ANKRD53: variants seen among roughly 807,000 people sequenced by gnomAD.
The protein encoded by ANKRD53 is ankyrin repeat domain 53, also known as ankyrin repeat domain-containing protein 53.
Under a neutral mutation model 30.1 loss-of-function variants are expected in ANKRD53, and 27 were observed. That is an observed-to-expected ratio of 0.90 (90% CI 0.66 to 1.24). The LOEUF (loss-of-function observed/expected upper bound fraction) is 1.24, where lower values mean the gene tolerates loss of function less well. Among genes scored for constraint, ANKRD53 ranks in the 50% most tolerant of loss-of-function variants. The probability of loss-of-function intolerance (pLI) is 0.00; values close to 1 mark genes in which losing one functional copy is unlikely to be tolerated. For missense variants in ANKRD53, 682 were observed against 721.0 expected (o/e 0.95, Z 0.62); for synonymous variants, 286 against 295.4 (o/e 0.97, Z 0.33).
Position 70,978,706 on chromosome 2 carries a change from G to A in ANKRD53, c.61G>A (p.Gly21Arg), listed in dbSNP as rs1553422818. Residue 21 changes from glycine (G) to arginine (R), a missense_variant, in exon 1 of 6, where the codon GGA (glycine) becomes AGA (arginine). Transcript: ENST00000360589. The surrounding 1 kb of genome is among the most constrained non-coding windows in gnomAD (Gnocchi z 4.3). ...AGSGSWHSERGEGRGARPQPT... is the reference protein window; with the variant it reads ...AGSGSWHSERREGRGARPQPT... ...CTCCGGAAGCTGGCACTCAGAAAGG[G>A]GAGAAGGGAGAGGTGCTCGGCCGCA... is the stretch of plus-strand genomic sequence containing the variant. 1.1e-5 allele frequency: 17 copies of A among 1,548,588 alleles called. No individual in the cohort carries two copies. Among genetic ancestry groups the A allele is most frequent in the Non-Finnish European group, 1.5e-5 (17 of 1,146,512 alleles).
Position 70,978,898 on chromosome 2 carries a change from G to A in ANKRD53, c.170+83G>A, listed in dbSNP as rs1669909245. ...CCCTGGTGGGCAGGGCCTGGAGCGG[G>A]CGGGGGCGGAGGCTGCGGCCCGAGA... On this transcript the variant is annotated intron_variant, in intron 1 of 5. Coordinates refer to ENST00000360589, the MANE Select transcript of ANKRD53 (RefSeq NM_001115116.2). The surrounding 1 kb of genome is among the most constrained non-coding windows in gnomAD (Gnocchi z 4.3). 1.8e-5 allele frequency: 27 copies of A among 1,475,752 alleles called. No individual in the cohort carries two copies. The highest frequency in any genetic ancestry group is 4.9e-4 in the Middle Eastern group (2 of 4,044). The allele number at this position is 1,475,752 out of a possible 1,614,324, so 91.4% of individuals were successfully genotyped here. A position where few individuals can be genotyped will look rare whatever the true frequency, so the allele number is the denominator to read the frequency against.
At chr2:70,984,467 A>C in intron 5 of ANKRD53, 144 bp from the exon 6 acceptor site, 1 of 1,524,012 alleles carries the variant, frequency 6.6e-7, no homozygotes, top group Non-Finnish European at 8.7e-7. Context: ...CTTCCATCAG[A>C]CTCAGACTTT....
chr2:70,980,318 CA>C (rs35991485), intron 3 of ANKRD53, among the ~76,000 whole-genome samples: 5,746 of 76,206 alleles, frequency 0.075, 143 homozygotes, highest in African/African-American at 0.13. Context: ...TCCGTCTCAA[CA>C]AAAAAAAAAA....
rs754047265 is a variant in ANKRD53 at position 70,982,525 on chromosome 2, G to A, written c.783-52G>A. The A allele has an allele frequency of 9.0e-5, 144 of 1,604,676 alleles. No individual in the cohort carries two copies. Among genetic ancestry groups the A allele is most frequent in the Non-Finnish European group, 1.1e-4 (133 of 1,173,930 alleles). ...GCAGCAGCCAGTCTTCCCAGCCCAG[G>A]TGGAAGCTCTGTCACTGTGGGATGA... On this transcript the variant is annotated intron_variant, in intron 4 of 5. Transcript: ENST00000360589. This position sits in a 1 kb window ranked among gnomAD's most constrained non-coding sequence, Gnocchi z 4.2.
chr2:70,978,895 C>T lies in ANKRD53; in HGVS notation c.170+80C>T, dbSNP rs1021804162. On this transcript the variant is annotated intron_variant, in intron 1 of 5. Coordinates refer to ENST00000360589, the MANE Select transcript of ANKRD53 (RefSeq NM_001115116.2). The surrounding 1 kb of genome is among the most constrained non-coding windows in gnomAD (Gnocchi z 4.3). ...CCTCCCTGGTGGGCAGGGCCTGGAG[C>T]GGGCGGGGGCGGAGGCTGCGGCCCG... 1.7e-5 allele frequency: 25 copies of T among 1,473,324 alleles called. No individual in the cohort carries two copies. Among genetic ancestry groups the T allele is most frequent in the Non-Finnish European group, 2.3e-5 (25 of 1,110,294 alleles). 91.3% of individuals were successfully genotyped at this position (1,473,324 alleles called of 1,614,324 possible).
Position 70,982,506 on chromosome 2 carries a change from G to A in ANKRD53, c.783-71G>A, listed in dbSNP as rs1553423801. 6 of 1,587,966 alleles carry A rather than the reference G, an allele frequency of 3.8e-6. No homozygotes were observed. In the African/African-American group the frequency reaches 5.4e-5, roughly 14 times the overall value. ...ATCCCCATCCAAGCCCTCAGCAGCAGCCAGTCTTCCCAGCCCAGGTGGAAG... is the reference window on the plus strand; with the variant it reads ...ATCCCCATCCAAGCCCTCAGCAGCAACCAGTCTTCCCAGCCCAGGTGGAAG... On this transcript the variant is annotated intron_variant, in intron 4 of 5. Transcript: ENST00000360589. This position sits in a 1 kb window ranked among gnomAD's most constrained non-coding sequence, Gnocchi z 4.2.
chr2:70,984,011 G>T, intron 5 of ANKRD53: 2 of 970,100 alleles, frequency 2.1e-6, no homozygotes, highest in Non-Finnish European at 3.2e-6. Flanking sequence ...GCTGCCACCG[G>T]GCCTGGAGAG....
chr2:70,978,503 C>T (rs1669891645), upstream of ANKRD53: 1 of 1,020,258 alleles, frequency 9.8e-7, no homozygotes, highest in Non-Finnish European at 1.3e-6. This position sits in a 1 kb window ranked among gnomAD's most constrained non-coding sequence, Gnocchi z 4.3. Context: ...CTCTGCCCCT[C>T]CAGCTAGAGA....
At chr2:70,979,386 C>T (rs782087531) in intron 2 of ANKRD53, 43 bp downstream of exon 2, 9 of 1,610,218 alleles carry the variant, frequency 5.6e-6, no homozygotes, top group Non-Finnish European at 7.6e-6. Context: ...GTCCCTCTCC[C>T]GCTACGCTGC....
At chr2:70,980,603 A>G (rs1669979614) in intron 3 of ANKRD53, among the ~76,000 whole-genome samples, 1 of 150,410 alleles carries the variant, frequency 6.6e-6, no homozygotes, top group Non-Finnish European at 1.5e-5. Context: ...GATTGCTCCA[A>G]TGCACTCCAG....
At position 70,981,911 on chromosome 2, in the gene ANKRD53, T is replaced by A. The variant is rs1670018856; in HGVS notation, c.618-25T>A. On this transcript the variant is annotated intron_variant, in intron 3 of 5. Coordinates refer to ENST00000360589, the MANE Select transcript of ANKRD53 (RefSeq NM_001115116.2). ...TCTTTGTCTTTCCTTTCTGCCCTTATCCCCACTGGTGGGGCCTTCCACAGT... is the reference window on the plus strand; with the variant it reads ...TCTTTGTCTTTCCTTTCTGCCCTTAACCCCACTGGTGGGGCCTTCCACAGT... 3.3e-6 allele frequency: 5 copies of A among 1,533,072 alleles called. No homozygotes were observed. In the South Asian group the frequency reaches 6.3e-5, roughly 19 times the overall value. The allele number at this position is 1,533,072 out of a possible 1,614,324, so 95.0% of individuals were successfully genotyped here.
At chr2:70,983,891 C>T (rs1670087121) in intron 5 of ANKRD53, among the ~76,000 whole-genome samples, 1 of 152,198 alleles carries the variant, frequency 6.6e-6, no homozygotes, top group African/African-American at 2.4e-5. Flanking sequence ...ATCTCCAAAG[C>T]CTCTGATTGC....
At chr2:70,984,516 C>T in intron 5 of ANKRD53, 95 bp from the exon 6 acceptor site, 2 of 1,544,790 alleles carry the variant, frequency 1.3e-6, no homozygotes, top group Non-Finnish European at 1.7e-6. Context: ...ATCCTTCAGA[C>T]TGTGGTTTCC....
Position 70,979,088 on chromosome 2 carries a change from G to T in ANKRD53, c.171-9G>T. 7.5e-7 allele frequency: 1 copy of T among 1,333,926 alleles called. No individual in the cohort carries two copies. The allele number at this position is 1,333,926 out of a possible 1,614,324, so 82.6% of individuals were successfully genotyped here. ...CCCAGAGTCGCTTCCCCACTGCCCC[G>T]CCCTCCAGCCAGCCCCTGCCCGACC... On this transcript the variant is annotated splice_polypyrimidine_tract_variant and intron_variant, in intron 1 of 5. Coordinates refer to ENST00000360589, the MANE Select transcript of ANKRD53 (RefSeq NM_001115116.2).
At chr2:70,980,533 T>C (rs1553423414) in intron 3 of ANKRD53, among the ~76,000 whole-genome samples, 1 of 151,964 alleles carries the variant, frequency 6.6e-6, no homozygotes, top group Non-Finnish European at 1.5e-5. Context: ...TCCCAGCTAC[T>C]TGGGAGGCTG....
chr2:70,978,508 T>TA, upstream of ANKRD53: 1 of 1,068,642 alleles, frequency 9.4e-7, no homozygotes, highest in Non-Finnish European at 1.3e-6. The surrounding 1 kb of genome is among the most constrained non-coding windows in gnomAD (Gnocchi z 4.3). Flanking sequence ...CCCCTCCAGC[T>TA]AGAGAGGCAG....
rs1553424679 is a variant in ANKRD53 at position 70,985,284 on chromosome 2, C to G, written c.1577C>G (p.Pro526Arg). The change falls in exon 6 of 6, where the codon CCA becomes CGA. Residue 526 changes from proline to arginine, a missense_variant. Physicochemically the swap from Pro to Arg is moderately radical, Grantham distance 103. Coordinates refer to ENST00000360589, the MANE Select transcript of ANKRD53 (RefSeq NM_001115116.2). ...CAAGGACTCCCCACCCTGCCCTCCCCACAAACCAACCCATAAAGTTATTAT... is the reference window on the plus strand; with the variant it reads ...CAAGGACTCCCCACCCTGCCCTCCCGACAAACCAACCCATAAAGTTATTAT... ...SHQGLPTLPS[P>R]QTNP is the part of the protein sequence containing the mutation. 1.3e-6 allele frequency: 2 copies of G among 1,549,592 alleles called. No homozygotes were observed. The highest frequency in any genetic ancestry group is 1.7e-6 in the Non-Finnish European group (2 of 1,146,510).
chr2:70,979,377 T>C, intron 2 of ANKRD53, 34 bp downstream of exon 2: 2 of 1,611,702 alleles, frequency 1.2e-6, no homozygotes, highest in Non-Finnish European at 1.7e-6. Context: ...AAGACCGAGG[T>C]CCCTCTCCCG....
intron 5 of ANKRD53, 155 bp from the exon 6 acceptor site, chr2:70,984,456 G>T (rs1359956809): frequency 3.0e-6 from 3 of 985,270 alleles, no homozygotes; most frequent in Non-Finnish European, 3.6e-6. Flanking sequence ...GGCAGGTGTT[G>T]CTTCCATCAG....
Sources: allele counts gnomAD v4.1 joint callset (sites outside exome capture counted in the v4.1 genomes callset), GRCh38; gene constraint gnomAD v4.1.1; non-coding constraint Gnocchi (gnomAD v3.1); transcripts MANE v1.5; gene names NCBI Gene and HGNC (gene_info 2026-07-23, HGNC 2026-07-21).